NCALD: variants seen among roughly 807,000 people sequenced by gnomAD.
NCALD encodes the protein neurocalcin delta, also known as neurocalcin-delta.
Under a neutral mutation model 18.6 loss-of-function variants are expected in NCALD, and 10 were observed. The observed-to-expected ratio is 0.54, with a 90% CI of 0.33 to 0.91. The LOEUF is 0.91. Ranked by LOEUF, NCALD falls within the 40% of genes least tolerant of loss-of-function variation. The probability of loss-of-function intolerance (pLI) is 0.03; values close to 1 mark genes in which losing one functional copy is unlikely to be tolerated. For synonymous variants in NCALD, 88 were observed against 87.4 expected (o/e 1.01, Z -0.04); for missense variants, 184 against 247.6 (o/e 0.74, Z 1.72).
At chr8:101,900,482 A>G (rs1038655869) in intron 3 of NCALD, among the ~76,000 whole-genome samples, 5 of 152,006 alleles carry the variant, frequency 3.3e-5, no homozygotes, top group Admixed American at 3.3e-4. Context: ...AAATGTAAGC[A>G]TTATATTAGT....
chr8:102,123,827 GCCC>G (rs1444567661), intron 1 of NCALD: 1 of 152,098 alleles, frequency 6.6e-6, no homozygotes, highest in Non-Finnish European at 1.5e-5. Context: ...CCCGGCCCCG[GCCC>G]CGGCCCCCGG....
chr8:102,015,853 G>A (rs561162155), intron 2 of NCALD, among the ~76,000 whole-genome samples: 6 of 152,158 alleles, frequency 3.9e-5, no homozygotes, highest in Non-Finnish European at 8.8e-5. Flanking sequence ...TAGTATGACA[G>A]TATCCCTGGG....
At chr8:102,043,054 G>C (rs1823109459) in intron 1 of NCALD, among the ~76,000 whole-genome samples, 1 of 151,890 alleles carries the variant, frequency 6.6e-6, no homozygotes, top group Non-Finnish European at 1.5e-5. Flanking sequence ...AACCAGAACA[G>C]CTGAGATTTA....
At chr8:101,897,535 TAC>T (rs1301280508) in intron 3 of NCALD, among the ~76,000 whole-genome samples, 6 of 151,976 alleles carry the variant, frequency 3.9e-5, no homozygotes, top group African/African-American at 1.4e-4. Context: ...AAGAAAGTAC[TAC>T]AGTTTGCTTA....
chr8:101,713,235 A>T (rs1247087303), intron 2 of NCALD, among the ~76,000 whole-genome samples: 1 of 152,230 alleles, frequency 6.6e-6, no homozygotes, highest in Non-Finnish European at 1.5e-5. Flanking sequence ...CAATGAAAAC[A>T]AAGACACAAT....
chr8:102,117,527 G>A (rs963429780), intron 1 of NCALD, among the ~76,000 whole-genome samples: 4 of 150,572 alleles, frequency 2.7e-5, no homozygotes, highest in African/African-American at 9.8e-5. Flanking sequence ...CCCTTCCTTT[G>A]AACAGTATTC....
rs961909882 is a variant in NCALD, at chr8:101,691,877, C to T, written c.484+914G>A. On this transcript the variant is annotated intron_variant, in intron 3 of 3. Coordinates refer to ENST00000220931, the MANE Select transcript of NCALD (RefSeq NM_032041.3). The stretch of plus-strand genomic sequence containing the variant: ...TGTGCACATGGTTGACAAGAATTGC[C>T]GAGGCCTCTGAACAGATCGGGTGAG... The T allele has an allele frequency of 4.6e-5, 45 of 985,264 alleles. No individual in the cohort carries two copies. The South Asian group carries it at 5.6e-4, about 12-fold the overall frequency. The allele number at this position is 985,264 out of a possible 1,614,324, so 61.0% of individuals were successfully genotyped here.
At chr8:102,012,425 A>T (rs1369133838) in intron 2 of NCALD, among the ~76,000 whole-genome samples, 1 of 152,232 alleles carries the variant, frequency 6.6e-6, no homozygotes, top group South Asian at 2.1e-4. Flanking sequence ...AGCCTTGGGT[A>T]GGGAGCTGGG....
At position 102,055,753 on chromosome 8, in the gene NCALD, T is replaced by G. The variant is rs533624696; in HGVS notation, c.-209-35464A>C. On this transcript the variant is annotated intron_variant, in intron 1 of 6. Transcript: ENST00000311028. ...CACAAAACACACAATTGTGTGAAATTTCACAATGAACAGTTGATTACAACA... is the reference window on the plus strand; with the variant it reads ...CACAAAACACACAATTGTGTGAAATGTCACAATGAACAGTTGATTACAACA... Among the ~76,000 whole-genome samples, 3 of 152,360 alleles carry G rather than the reference T, an allele frequency of 2.0e-5. No homozygotes were observed. In the East Asian group the frequency reaches 5.8e-4, roughly 29 times the overall value.
chr8:101,786,401 A>G (rs915432234), intron 1 of NCALD, among the ~76,000 whole-genome samples: 1 of 152,186 alleles, frequency 6.6e-6, no homozygotes, highest in Non-Finnish European at 1.5e-5. Flanking sequence ...ATGTTCGCCA[A>G]TTGAGTGACT....
intron 1 of NCALD, among the ~76,000 whole-genome samples, chr8:101,783,799 C>G (rs985443688): frequency 5.9e-5 from 9 of 152,194 alleles, no homozygotes; most frequent in Non-Finnish European, 1.0e-4. Context: ...GAACCAGCAA[C>G]AGCATTAACC....
chr8:102,093,938 G>T (rs187029628), intron 1 of NCALD, among the ~76,000 whole-genome samples: 1 of 152,118 alleles, frequency 6.6e-6, no homozygotes, highest in Non-Finnish European at 1.5e-5. Context: ...TAAGATAGAT[G>T]AGCCCAGAGT....
chr8:102,088,256 G>A (rs989893328), intron 1 of NCALD, among the ~76,000 whole-genome samples: 2 of 152,202 alleles, frequency 1.3e-5, no homozygotes, highest in African/African-American at 4.8e-5. Context: ...GGCTTAGGGA[G>A]TGAGTTATTC....
intron 1 of NCALD, among the ~76,000 whole-genome samples, chr8:102,033,249 TA>T (rs1822744626): frequency 6.6e-6 from 1 of 152,146 alleles, no homozygotes; most frequent in African/African-American, 2.4e-5. Flanking sequence ...CAGAAGCAGC[TA>T]ACCTGGTAGA....
chr8:101,842,934 G>A (rs1814704491), intron 4 of NCALD, among the ~76,000 whole-genome samples: 2 of 152,120 alleles, frequency 1.3e-5, no homozygotes, highest in Admixed American at 6.5e-5. Context: ...GATGAGAAGA[G>A]AAAAAGAAAG....
intron 4 of NCALD, among the ~76,000 whole-genome samples, chr8:101,867,941 A>G (rs1815840960): frequency 6.6e-6 from 1 of 152,212 alleles, no homozygotes. Context: ...GCTAAGAGCC[A>G]TATCTGGTCC....
At chr8:101,911,354 T>TTC (rs1250733691) in intron 3 of NCALD, among the ~76,000 whole-genome samples, 1 of 144,526 alleles carries the variant, frequency 6.9e-6, no homozygotes, top group Admixed American at 6.8e-5. Context: ...TTTCTTTTTT[T>TTC]TCTTTTCTTT....
Position 101,719,327 on chromosome 8 carries a change from C to A in NCALD, c.303G>T (p.Leu101=). Reference sequence around the variant, plus strand: ...GGTCGTACATGCTGAAGGCCCATTTCAGCTTCTGCTCCAGCTTCCCCCTCG... The same window carrying A: ...GGTCGTACATGCTGAAGGCCCATTTAAGCTTCTGCTCCAGCTTCCCCCTCG... ...VTSRGKLEQK[L]KWAFSMYDLD... The change falls in exon 2 of 4, where the codon CTG becomes CTT. Residue 101 remains leucine, a synonymous_variant. Transcript: ENST00000220931. The A allele has an allele frequency of 6.2e-7, 1 of 1,614,216 alleles. No individual in the cohort carries two copies. Among genetic ancestry groups the A allele is most frequent in the Non-Finnish European group, 8.5e-7 (1 of 1,180,040 alleles).
At position 101,770,701 on chromosome 8, in the gene NCALD, A is replaced by T. The variant is rs540314955; in HGVS notation, c.-20+20161T>A. Among the ~76,000 whole-genome samples, 88 of 152,300 alleles carry T rather than the reference A, an allele frequency of 5.8e-4. 1 individual carries two copies. The South Asian group carries it at 0.017, about 30-fold the overall frequency. On this transcript the variant is annotated intron_variant, in intron 1 of 3. Transcript: ENST00000220931. ...ACTTCCAAGTCTTTCTTTCTCTCTC[A>T]AGGCACAGGGCAGAGACAGCCACAG... is the stretch of plus-strand genomic sequence containing the variant.
Sources: gnomAD v4.1 joint callset for allele counts (sites outside exome capture counted in the v4.1 genomes callset) on GRCh38, gnomAD v4.1.1 for gene constraint, MANE v1.5 for transcripts, NCBI Gene and HGNC (gene_info 2026-07-23, HGNC 2026-07-21) for gene names.